The following SMYD3 variants were observed in gnomAD, a reference collection of about 807,000 sequenced individuals.
The protein encoded by SMYD3 is SET and MYND domain containing 3.
In SMYD3, 36 loss-of-function variants were observed where a neutral mutation model predicts 57.7. The observed-to-expected ratio is 0.62, with a 90% CI of 0.48 to 0.82. The LOEUF (loss-of-function observed/expected upper bound fraction) is 0.82. Ranked by LOEUF, SMYD3 falls within the 40% of genes least tolerant of loss-of-function variation. The probability of loss-of-function intolerance (pLI) is 0.00; values close to 1 mark genes in which losing one functional copy is unlikely to be tolerated. For missense variants in SMYD3, 515 were observed against 538.8 expected (o/e 0.96, Z 0.44); for synonymous variants, 211 against 195.0 (o/e 1.08, Z -0.68).
intron 2 of SMYD3, among the ~76,000 whole-genome samples, chr1:246,354,350 G>A (rs536258653): frequency 4.6e-5 from 7 of 152,212 alleles, no homozygotes; most frequent in African/African-American, 9.6e-5. Context: ...TCAAACTCTT[G>A]GCAGGATATT....
intron 8 of SMYD3, among the ~76,000 whole-genome samples, chr1:245,872,092 C>T (rs1227427481): frequency 6.6e-6 from 1 of 152,256 alleles, no homozygotes; most frequent in Non-Finnish European, 1.5e-5. Flanking sequence ...GCACTTCCCA[C>T]TGGCTTTCAT....
At chr1:246,214,186 G>C (rs1164885417) in intron 5 of SMYD3, among the ~76,000 whole-genome samples, 1 of 152,136 alleles carries the variant, frequency 6.6e-6, no homozygotes, top group Admixed American at 6.6e-5. Flanking sequence ...GGTTGAAAAA[G>C]ACAAGAGAGG....
At chr1:246,250,876 A>T (rs1365791216) in intron 5 of SMYD3, among the ~76,000 whole-genome samples, 1 of 152,208 alleles carries the variant, frequency 6.6e-6, no homozygotes, top group Non-Finnish European at 1.5e-5. Context: ...AATTAAATAC[A>T]CCAGCAACAT....
chr1:245,867,103 T>C (rs780312592), intron 8 of SMYD3, among the ~76,000 whole-genome samples: 19 of 152,232 alleles, frequency 1.2e-4, no homozygotes, highest in Non-Finnish European at 2.4e-4. Flanking sequence ...TCAGCTGACC[T>C]TAAAATAGCT....
intron 8 of SMYD3, among the ~76,000 whole-genome samples, chr1:245,876,642 G>C (rs183557779): frequency 3.3e-5 from 5 of 152,314 alleles, no homozygotes; most frequent in South Asian, 2.1e-4. Flanking sequence ...GCACTACGGG[G>C]AATAAATCTC....
chr1:246,191,629 A>G (rs1446528083), intron 5 of SMYD3, among the ~76,000 whole-genome samples: 4 of 152,220 alleles, frequency 2.6e-5, no homozygotes, highest in Admixed American at 6.5e-5. Context: ...TCTTTTGGGA[A>G]CTGAACTCTT....
In SMYD3 at chr1:245,768,021, G is replaced by A. The variant is rs150306094; in HGVS notation, c.1077-3872C>T. Among the ~76,000 whole-genome samples, 156 of 152,294 alleles carry A rather than the reference G, an allele frequency of 1.0e-3. 2 individuals carry two copies. The highest frequency in any genetic ancestry group is 3.6e-3 in the African/African-American group (150 of 41,576). Reference sequence around the variant, plus strand: ...TTATGCAGCTGATTTAACAGAATCTGGGGATCCAAGGGGGTGCAGTGGAGT... The same window carrying A: ...TTATGCAGCTGATTTAACAGAATCTAGGGATCCAAGGGGGTGCAGTGGAGT... On this transcript the variant is annotated intron_variant, in intron 10 of 11. Coordinates refer to ENST00000490107, the MANE Select transcript of SMYD3 (RefSeq NM_001167740.2).
intron 1 of SMYD3, among the ~76,000 whole-genome samples, chr1:246,443,871 C>G (rs1259189378): frequency 6.6e-6 from 1 of 152,108 alleles, no homozygotes; most frequent in Non-Finnish European, 1.5e-5. Flanking sequence ...TCTGTCAAAT[C>G]AATAAATCAA....
chr1:246,481,593 C>CATATATACATATATATATATAT (rs2068101317), intron 1 of SMYD3, among the ~76,000 whole-genome samples: 1 of 27,980 alleles, frequency 3.6e-5, no homozygotes, highest in Non-Finnish European at 7.3e-5. Flanking sequence ...TCTCAGGCTC[C>CATATATACATATATATATATAT]ATATATATAT....
intron 1 of SMYD3, among the ~76,000 whole-genome samples, chr1:246,438,489 TC>T (rs1262138267): frequency 1.3e-5 from 2 of 152,028 alleles, no homozygotes; most frequent in African/African-American, 4.8e-5. Context: ...TACTCTTCCC[TC>T]CCTTGTATCC....
At chr1:246,382,554 G>A (rs958023059) in intron 1 of SMYD3, among the ~76,000 whole-genome samples, 3 of 149,334 alleles carry the variant, frequency 2.0e-5, no homozygotes, top group African/African-American at 7.5e-5. Flanking sequence ...GCCAATCCCA[G>A]GCTCTAGGCT....
chr1:246,273,922 T>G (rs2064281210), intron 5 of SMYD3, among the ~76,000 whole-genome samples: 1 of 152,156 alleles, frequency 6.6e-6, no homozygotes, highest in African/African-American at 2.4e-5. Flanking sequence ...CAGTTAACAC[T>G]GTTCTAATCT....
At chr1:245,967,480 C>G (rs2058186327) in intron 5 of SMYD3, among the ~76,000 whole-genome samples, 1 of 152,154 alleles carries the variant, frequency 6.6e-6, no homozygotes, top group African/African-American at 2.4e-5. Context: ...CAAGAAAAGT[C>G]AAATGCATAG....
intron 7 of SMYD3, among the ~76,000 whole-genome samples, chr1:245,922,319 C>A (rs2056031250): frequency 6.6e-6 from 1 of 152,182 alleles, no homozygotes; most frequent in Non-Finnish European, 1.5e-5. Flanking sequence ...ATAACACTTT[C>A]AGCTTCAATT....
At chr1:246,467,027 G>A (rs755346309) in intron 1 of SMYD3, among the ~76,000 whole-genome samples, 14 of 151,928 alleles carry the variant, frequency 9.2e-5, no homozygotes, top group Non-Finnish European at 1.6e-4. Flanking sequence ...AAAATTAGCC[G>A]GGAATGGGGG....
chr1:246,073,216 G>T (rs2060487799), intron 5 of SMYD3, among the ~76,000 whole-genome samples: 1 of 152,156 alleles, frequency 6.6e-6, no homozygotes, highest in African/African-American at 2.4e-5. Flanking sequence ...TCTGTGTGTT[G>T]ATGCTTGCAA....
chr1:246,369,879 T>C (rs552071778), intron 1 of SMYD3, among the ~76,000 whole-genome samples: 1 of 140,946 alleles, frequency 7.1e-6, no homozygotes, highest in East Asian at 2.0e-4. Flanking sequence ...TTATTTCACA[T>C]TTCTAACACA....
At chr1:246,247,583 G>A (rs1029576237) in intron 5 of SMYD3, among the ~76,000 whole-genome samples, 2 of 151,088 alleles carry the variant, frequency 1.3e-5, no homozygotes, top group Admixed American at 6.6e-5. Flanking sequence ...TCACAAAGCA[G>A]TTTCTTCTCT....
At chr1:246,190,357 A>G (rs552834798) in intron 5 of SMYD3, among the ~76,000 whole-genome samples, 1 of 152,130 alleles carries the variant, frequency 6.6e-6, no homozygotes, top group Admixed American at 6.5e-5. Flanking sequence ...GAGGCCAAGG[A>G]GGGTGGATCA....
Sources: gnomAD v4.1 joint callset for allele counts (sites outside exome capture counted in the v4.1 genomes callset) on GRCh38, gnomAD v4.1.1 for gene constraint, MANE v1.5 for transcripts, NCBI Gene and HGNC (gene_info 2026-07-23, HGNC 2026-07-21) for gene names.